The following FCHSD2 variants were observed in gnomAD, a reference collection of about 807,000 sequenced individuals.
The protein encoded by FCHSD2 is F-BAR and double SH3 domains protein 2.
FCHSD2 carries 38 observed loss-of-function variants against 108.1 expected under a neutral mutation model. The ratio of observed to expected loss-of-function variants is 0.35; its 90% CI spans 0.27 to 0.46. FCHSD2 has a LOEUF of 0.46. Among genes scored for constraint, FCHSD2 ranks in the 20% least tolerant of loss-of-function variants. The pLI is 1.00. For missense variants in FCHSD2, 751 were observed against 897.8 expected, an observed-to-expected ratio of 0.84 and a Z score of 2.09; for synonymous variants, 279 against 314.7, an observed-to-expected ratio of 0.89 and a Z score of 1.20.
chr11:73,113,526 G>A (rs1397179232), intron 2 of FCHSD2, among the ~76,000 whole-genome samples: 6 of 151,872 alleles, frequency 4.0e-5, no homozygotes, highest in Non-Finnish European at 7.4e-5. Flanking sequence ...GTGCCACCAC[G>A]CCCAGCTAGT....
At chr11:72,978,735 C>G (rs1565351267) in intron 8 of FCHSD2, among the ~76,000 whole-genome samples, 1 of 151,976 alleles carries the variant, frequency 6.6e-6, no homozygotes, top group Non-Finnish European at 1.5e-5. Flanking sequence ...CAAGAAGGTA[C>G]TTGATTCTCC....
intron 2 of FCHSD2, among the ~76,000 whole-genome samples, chr11:73,101,976 G>C (rs537748543): frequency 6.6e-6 from 1 of 152,148 alleles, no homozygotes; most frequent in Non-Finnish European, 1.5e-5. Flanking sequence ...AATCTGCAGG[G>C]TAGGCCAGAA....
intron 12 of FCHSD2, among the ~76,000 whole-genome samples, chr11:72,883,244 A>C (rs1855126339): frequency 6.6e-6 from 1 of 152,242 alleles, no homozygotes; most frequent in South Asian, 2.1e-4. Context: ...AGAAAACATG[A>C]GAGGACATAT....
At chr11:73,138,674 T>C (rs1211295847) in intron 2 of FCHSD2, among the ~76,000 whole-genome samples, 2 of 149,746 alleles carry the variant, frequency 1.3e-5, no homozygotes, top group Non-Finnish European at 3.0e-5. Flanking sequence ...AGTGGTGCCA[T>C]CTCGGCTCAC....
chr11:72,837,963 A>G lies in FCHSD2; in HGVS notation c.*828T>C, dbSNP rs981646492. ...CTAAGGATACTGGTAAGAAGAGTAT[A>G]TGCTGTAAAAATTAAGATGAAAAAT... On this transcript the variant is annotated 3_prime_UTR_variant, in exon 20 of 20. Transcript: ENST00000409418. 8 of 152,262 alleles carry G rather than the reference A, an allele frequency of 5.3e-5. No individual in the cohort carries two copies. Among genetic ancestry groups the G allele is most frequent in the African/African-American group, 1.9e-4 (8 of 41,472 alleles). The allele number at this position is 152,262 out of a possible 1,614,324, so 9.4% of individuals were successfully genotyped here.
intron 5 of FCHSD2, among the ~76,000 whole-genome samples, chr11:72,998,899 A>G (rs1382275757): frequency 1.3e-5 from 2 of 152,234 alleles, no homozygotes; most frequent in Non-Finnish European, 2.9e-5. Context: ...GCTGCTATGC[A>G]AAACAATTCT....
chr11:73,141,824 C>G lies in FCHSD2; in HGVS notation c.21+33G>C, dbSNP rs558704725. 89 of 1,540,672 alleles carry G rather than the reference C, an allele frequency of 5.8e-5. No individual in the cohort carries two copies. The African/African-American group carries it at 8.9e-4, about 15-fold the overall frequency. Reference sequence around the variant, plus strand: ...AGCCGCGTTCCGCGTACGCATCTCTCCGAACCCCAAAGCCCCCCAGCTGCG... The same window carrying G: ...AGCCGCGTTCCGCGTACGCATCTCTGCGAACCCCAAAGCCCCCCAGCTGCG... On this transcript the variant is annotated intron_variant, in intron 1 of 19. Coordinates refer to ENST00000409418, the MANE Select transcript of FCHSD2 (RefSeq NM_014824.3).
chr11:73,138,745 C>T (rs1861180718), intron 2 of FCHSD2, among the ~76,000 whole-genome samples: 1 of 151,656 alleles, frequency 6.6e-6, no homozygotes, highest in African/African-American at 2.4e-5. Context: ...GTAGCTAGGA[C>T]TACAGGCGCA....
chr11:72,947,484 G>T (rs1482023359), intron 8 of FCHSD2, among the ~76,000 whole-genome samples: 3 of 152,156 alleles, frequency 2.0e-5, no homozygotes, highest in Non-Finnish European at 2.9e-5. Context: ...GACTCACATA[G>T]GAATTGACCA....
chr11:72,964,648 C>G (rs551227157), intron 8 of FCHSD2, among the ~76,000 whole-genome samples: 2 of 152,180 alleles, frequency 1.3e-5, no homozygotes, highest in Non-Finnish European at 2.9e-5. Context: ...GCGTTAACTT[C>G]CGAATCTACC....
intron 12 of FCHSD2, among the ~76,000 whole-genome samples, chr11:72,869,860 G>A (rs1854813757): frequency 6.6e-6 from 1 of 152,102 alleles, no homozygotes; most frequent in Non-Finnish European, 1.5e-5. Context: ...GTCTGTGAAT[G>A]ACCTCATCAT....
intron 10 of FCHSD2, chr11:72,900,238 T>C: frequency 9.0e-7 from 1 of 1,112,022 alleles, no homozygotes; most frequent in Non-Finnish European, 1.3e-6. Flanking sequence ...CTCCCGCCCT[T>C]GACCCACACC....
At chr11:73,008,156 T>C (rs1258895434) in intron 4 of FCHSD2, among the ~76,000 whole-genome samples, 2 of 151,976 alleles carry the variant, frequency 1.3e-5, no homozygotes, top group East Asian at 1.9e-4. Flanking sequence ...CTGGCCAACA[T>C]AGTAAAACCC....
At chr11:72,866,185 G>A (rs553237440) in intron 13 of FCHSD2, among the ~76,000 whole-genome samples, 1 of 152,354 alleles carries the variant, frequency 6.6e-6, no homozygotes, top group Admixed American at 6.5e-5. Flanking sequence ...GTCTGAAGTA[G>A]ATGAGCATTA....
chr11:73,129,872 CTT>C (rs35445043), intron 2 of FCHSD2, among the ~76,000 whole-genome samples: 57 of 124,120 alleles, frequency 4.6e-4, no homozygotes, highest in Admixed American at 7.6e-4. Flanking sequence ...CCTTCATAAT[CTT>C]TTTTTTTTTT....
At chr11:72,906,496 T>G (rs1855633429) in intron 9 of FCHSD2, among the ~76,000 whole-genome samples, 1 of 152,238 alleles carries the variant, frequency 6.6e-6, no homozygotes, top group South Asian at 2.1e-4. Flanking sequence ...ATGAAGTCTT[T>G]GCCCATGCCT....
In FCHSD2 at chr11:73,063,130, T is replaced by C. The variant is rs1028224313; in HGVS notation, c.165+20565A>G. The stretch of plus-strand genomic sequence containing the variant: ...CAAGCCAGAAGAGAGTGGGGGCCAA[T>C]AGTCAACATTCTTAAAGAAAAGAAT... On this transcript the variant is annotated intron_variant, in intron 3 of 19. Coordinates refer to ENST00000409418, the MANE Select transcript of FCHSD2 (RefSeq NM_014824.3). 7.2e-5 allele frequency among the ~76,000 whole-genome samples: 11 copies of C among 152,132 alleles called. 1 individual carries two copies. The highest frequency in any genetic ancestry group is 4.8e-5 in the African/African-American group (2 of 41,422).
chr11:72,997,052 G>A (rs147161252), intron 5 of FCHSD2, among the ~76,000 whole-genome samples: 1 of 152,282 alleles, frequency 6.6e-6, no homozygotes, highest in Non-Finnish European at 1.5e-5. Context: ...GAGGGGTACT[G>A]CAGAAAAGCA....
chr11:72,953,804 G>A (rs1856660341), intron 8 of FCHSD2, among the ~76,000 whole-genome samples: 1 of 152,228 alleles, frequency 6.6e-6, no homozygotes, highest in Non-Finnish European at 1.5e-5. Flanking sequence ...AATGGAGTGA[G>A]GGAGTATCGA....
Sources: gnomAD v4.1 joint callset for allele counts (sites outside exome capture counted in the v4.1 genomes callset) on GRCh38, gnomAD v4.1.1 for gene constraint, MANE v1.5 for transcripts, NCBI Gene and HGNC (gene_info 2026-07-23, HGNC 2026-07-21) for gene names.